Variants in CTDSPL2 observed in about 807,000 individuals in gnomAD.
CTDSPL2 encodes CTD small phosphatase-like protein 2.
Under a neutral mutation model 60.0 loss-of-function variants are expected in CTDSPL2, and 5 were observed. The observed-to-expected ratio is 0.08, with a 90% CI of 0.04 to 0.18. The LOEUF (loss-of-function observed/expected upper bound fraction) is 0.18, where lower values mean the gene tolerates loss of function less well. CTDSPL2 is among the 10% of genes least tolerant of loss of function. The probability of loss-of-function intolerance (pLI) is 1.00; values close to 1 mark genes in which losing one functional copy is unlikely to be tolerated. For missense variants in CTDSPL2, 370 were observed against 548.8 expected (o/e 0.67, Z 3.26); for synonymous variants, 186 against 189.3 (o/e 0.98, Z 0.14).
intron 1 of CTDSPL2, among the ~76,000 whole-genome samples, chr15:44,454,320 A>G (rs2080390841): frequency 6.6e-6 from 1 of 152,002 alleles, no homozygotes; most frequent in Non-Finnish European, 1.5e-5. Context: ...TAGATTCCAG[A>G]TATTAGCCCT....
At chr15:44,472,864 C>T (rs568475033) in intron 2 of CTDSPL2, among the ~76,000 whole-genome samples, 15 of 152,176 alleles carry the variant, frequency 9.9e-5, no homozygotes, top group Non-Finnish European at 1.3e-4. Context: ...AGGGTTTCAC[C>T]GGCCCAGGCC....
At chr15:44,451,871 C>A (rs1433132963) in intron 1 of CTDSPL2, among the ~76,000 whole-genome samples, 1 of 152,078 alleles carries the variant, frequency 6.6e-6, no homozygotes, top group Non-Finnish European at 1.5e-5. Flanking sequence ...TAAAGCATAC[C>A]TCCCTATATA....
intron 2 of CTDSPL2, among the ~76,000 whole-genome samples, chr15:44,460,182 C>A (rs760095091): frequency 2.6e-5 from 4 of 152,206 alleles, no homozygotes; most frequent in Admixed American, 6.5e-5. Flanking sequence ...GCATTCTCCG[C>A]TCACTGCAAC....
chr15:44,434,550 C>T (rs562586306), intron 1 of CTDSPL2, among the ~76,000 whole-genome samples: 3 of 152,290 alleles, frequency 2.0e-5, no homozygotes, highest in South Asian at 2.1e-4. Context: ...TGCACCACCA[C>T]GCCTGGCCAA....
intron 10 of CTDSPL2, among the ~76,000 whole-genome samples, chr15:44,515,404 G>A (rs780949830): frequency 1.3e-5 from 2 of 152,062 alleles, no homozygotes; most frequent in African/African-American, 2.4e-5. Context: ...GTGTTTTCCT[G>A]GTTAGTGGGA....
intron 5 of CTDSPL2, among the ~76,000 whole-genome samples, chr15:44,493,906 G>A (rs760865671): frequency 6.6e-6 from 1 of 152,052 alleles, no homozygotes; most frequent in Admixed American, 6.6e-5. Context: ...GAAGCATAAT[G>A]TCAGAGATGA....
At position 44,497,051 on chromosome 15, in the gene CTDSPL2, G is replaced by A. The variant is rs372317002; in HGVS notation, c.795G>A (p.Pro265=). 1.1e-5 allele frequency: 17 copies of A among 1,605,760 alleles called. No homozygotes were observed. Among genetic ancestry groups the A allele is most frequent in the African/African-American group, 8.1e-5 (6 of 74,490 alleles). Residue 265 remains proline (P), a synonymous_variant, in exon 7 of 13, where the codon CCG becomes CCA. Coordinates refer to ENST00000260327, the MANE Select transcript of CTDSPL2 (RefSeq NM_016396.3). ...FDPYYFIKHV[P]PLTEEQLNRK... is the part of the protein sequence containing the mutation. ...GCTATTATTTCATCAAACATGTCCC[G>A]CCACTGACAGAAGAACAACTAAATA... is the stretch of plus-strand genomic sequence containing the variant.
chr15:44,516,981 A>AG (rs2081664690), intron 10 of CTDSPL2: 1 of 152,004 alleles, frequency 6.6e-6, no homozygotes, highest in Non-Finnish European at 1.5e-5. Flanking sequence ...CTGGGATTGC[A>AG]GGCGCGCATC....
rs185723326 is a variant in CTDSPL2 at position 44,443,648 on chromosome 15, C to T, written c.-24-15343C>T. 4.9e-4 allele frequency among the ~76,000 whole-genome samples: 75 copies of T among 152,026 alleles called. 2 individuals are homozygous for T. Among genetic ancestry groups the T allele is most frequent in the African/African-American group, 1.7e-3 (70 of 41,482 alleles). ...TTATTGTGGTTTTAATTAGCATTTC[C>T]GTGATAATTAGATAATTAGTGATGT... On this transcript the variant is annotated intron_variant, in intron 1 of 12. Coordinates refer to ENST00000260327, the MANE Select transcript of CTDSPL2 (RefSeq NM_016396.3).
intron 5 of CTDSPL2, 61 bp from the exon 6 acceptor site, chr15:44,496,319 A>AAT: frequency 3.5e-6 from 4 of 1,133,716 alleles, no homozygotes; most frequent in Non-Finnish European, 5.3e-6. Flanking sequence ...AAGCAGTAAA[A>AAT]ATATATATTT....
intron 2 of CTDSPL2, among the ~76,000 whole-genome samples, chr15:44,461,072 C>T (rs938466082): frequency 2.6e-5 from 4 of 152,150 alleles, no homozygotes; most frequent in Non-Finnish European, 5.9e-5. Context: ...TTATACAGGG[C>T]AGCTATTTCT....
intron 8 of CTDSPL2, among the ~76,000 whole-genome samples, chr15:44,511,464 G>A (rs963428973): frequency 1.3e-5 from 2 of 152,154 alleles, no homozygotes; most frequent in African/African-American, 4.8e-5. Context: ...CTTGTGCAGT[G>A]GAATTGTGTC....
At chr15:44,462,892 A>G (rs983835995) in intron 2 of CTDSPL2, among the ~76,000 whole-genome samples, 1 of 151,414 alleles carries the variant, frequency 6.6e-6, no homozygotes, top group Admixed American at 6.6e-5. Context: ...TTTTGTAGAG[A>G]TGGGGTTTCA....
chr15:44,480,747 T>C (rs921197562), intron 2 of CTDSPL2, among the ~76,000 whole-genome samples: 7 of 151,948 alleles, frequency 4.6e-5, no homozygotes, highest in African/African-American at 1.7e-4. Flanking sequence ...GCAGGAAGAA[T>C]GCTTGAGCTT....
chr15:44,456,654 G>T (rs145386920), intron 1 of CTDSPL2, among the ~76,000 whole-genome samples: 1 of 151,938 alleles, frequency 6.6e-6, no homozygotes, highest in East Asian at 1.9e-4. Context: ...AGTCTTGCTA[G>T]CGTCCTGTCA....
At chr15:44,451,455 A>G (rs1222215778) in intron 1 of CTDSPL2, among the ~76,000 whole-genome samples, 1 of 152,114 alleles carries the variant, frequency 6.6e-6, no homozygotes, top group Non-Finnish European at 1.5e-5. Flanking sequence ...GAAAAGGGTC[A>G]ATATGTCCAC....
Position 44,495,637 on chromosome 15 carries a change from T to A in CTDSPL2, c.692-743T>A, listed in dbSNP as rs562157640. 2.0e-5 allele frequency among the ~76,000 whole-genome samples: 3 copies of A among 152,168 alleles called. No individual in the cohort carries two copies. In the South Asian group the frequency reaches 6.2e-4, roughly 32 times the overall value. ...ATCTTCAAAGGGCTCATGAACTTTT[T>A]AAAGACTGTTCATGGTCCGGGCGCA... On this transcript the variant is annotated intron_variant, in intron 5 of 12. Transcript: ENST00000260327.
chr15:44,460,225 C>G (rs572736712), intron 2 of CTDSPL2, among the ~76,000 whole-genome samples: 169 of 152,290 alleles, frequency 1.1e-3, no homozygotes, highest in African/African-American at 3.9e-3. Flanking sequence ...ATTCTCCTGC[C>G]TCAGCCTCCC....
rs147993350 is a variant in CTDSPL2 at position 44,499,150 on chromosome 15, C to G, written c.883-577C>G. 4.0e-3 allele frequency among the ~76,000 whole-genome samples: 598 copies of G among 151,102 alleles called. 5 individuals carry two copies. Among genetic ancestry groups the G allele is most frequent in the African/African-American group, 0.014 (576 of 41,162 alleles). Reference sequence around the variant, plus strand: ...TGTTGCCAGGCACGGTGGCTCACTTCTGTAATCCCAGCACTTTGGGAGGCC... The same window carrying G: ...TGTTGCCAGGCACGGTGGCTCACTTGTGTAATCCCAGCACTTTGGGAGGCC... On this transcript the variant is annotated intron_variant, in intron 7 of 12. Coordinates refer to ENST00000260327, the MANE Select transcript of CTDSPL2 (RefSeq NM_016396.3).
Sources: allele counts gnomAD v4.1 joint callset (sites outside exome capture counted in the v4.1 genomes callset), GRCh38; gene constraint gnomAD v4.1.1; transcripts MANE v1.5; gene names NCBI Gene and HGNC (gene_info 2026-07-23, HGNC 2026-07-21).